Variants in GRM8 observed in about 807,000 individuals in gnomAD.
GRM8 encodes metabotropic glutamate receptor 8.
GRM8 carries 47 observed loss-of-function variants against 87.2 expected under a neutral mutation model. The observed-to-expected ratio is 0.54, with a 90% CI of 0.43 to 0.69. The LOEUF (loss-of-function observed/expected upper bound fraction) is 0.69, where lower values mean the gene tolerates loss of function less well. Among genes scored for constraint, GRM8 ranks in the 30% least tolerant of loss-of-function variants. The pLI, the probability that GRM8 is intolerant of heterozygous loss-of-function variation, is 0.00. For missense variants in GRM8, 1,019 were observed against 1,139.2 expected, an observed-to-expected ratio of 0.89 and a Z score of 1.52; for synonymous variants, 396 against 404.5, an observed-to-expected ratio of 0.98 and a Z score of 0.25.
intron 3 of GRM8, among the ~76,000 whole-genome samples, chr7:127,072,634 C>CTTT (rs34143758): frequency 0.31 from 44,275 of 143,918 alleles, 7,292 homozygotes; most frequent in Non-Finnish European, 0.4. Flanking sequence ...TCATATTATA[C>CTTT]TTTTTTTTTT....
chr7:126,929,209 T>C (rs943236373), intron 3 of GRM8, among the ~76,000 whole-genome samples: 1 of 152,224 alleles, frequency 6.6e-6, no homozygotes, highest in Non-Finnish European at 1.5e-5. Flanking sequence ...AAAAATAAGA[T>C]AGTCCAATGC....
intron 2 of GRM8, among the ~76,000 whole-genome samples, chr7:127,113,481 T>C (rs367926359): frequency 2.0e-5 from 3 of 147,698 alleles, no homozygotes; most frequent in South Asian, 2.2e-4. Context: ...TTTGTTTTTT[T>C]CCCCCCTGCC....
intron 2 of GRM8, among the ~76,000 whole-genome samples, chr7:127,133,250 T>G (rs950320162): frequency 7.2e-5 from 11 of 151,980 alleles, no homozygotes; most frequent in Non-Finnish European, 1.3e-4. Flanking sequence ...AAACCCCATC[T>G]CTACTAAAAA....
At chr7:126,857,695 A>T (rs1470525600) in intron 6 of GRM8, among the ~76,000 whole-genome samples, 1 of 152,144 alleles carries the variant, frequency 6.6e-6, no homozygotes, top group Non-Finnish European at 1.5e-5. Context: ...GTTGATTCTC[A>T]ATCTTCATCT....
intron 8 of GRM8, among the ~76,000 whole-genome samples, chr7:126,583,933 G>A (rs572799733): frequency 6.6e-6 from 1 of 152,286 alleles, no homozygotes; most frequent in East Asian, 1.9e-4. Context: ...TTACCAAACA[G>A]TATCATATGC....
At position 127,229,774 on chromosome 7, in the gene GRM8, G is replaced by A. The variant is rs932317989; in HGVS notation, c.510+12921C>T. On this transcript the variant is annotated intron_variant, in intron 2 of 10. Transcript: ENST00000339582. ...AAATTTTTACCTTGCTGAGATCTAC[G>A]ACCACCTTTTGAAACTGAGACAGTG... 22 of 152,026 alleles carry A rather than the reference G, an allele frequency of 1.4e-4. No homozygotes were observed. The East Asian group carries it at 3.7e-3, about 25-fold the overall frequency. The allele number at this position is 152,026 out of a possible 1,614,324, so 9.4% of individuals were successfully genotyped here.
intron 7 of GRM8, among the ~76,000 whole-genome samples, chr7:126,756,207 CA>C (rs1302951967): frequency 1.3e-5 from 2 of 151,052 alleles, no homozygotes. Flanking sequence ...CAACCCCATG[CA>C]AAAAAAATAT....
At chr7:126,810,248 G>A (rs960845659) in intron 6 of GRM8, among the ~76,000 whole-genome samples, 1 of 152,050 alleles carries the variant, frequency 6.6e-6, no homozygotes, top group Non-Finnish European at 1.5e-5. Flanking sequence ...TCCTCTAAGA[G>A]GAAAAACATG....
chr7:126,909,484 G>A (rs1803065310), intron 3 of GRM8, among the ~76,000 whole-genome samples: 3 of 152,046 alleles, frequency 2.0e-5, no homozygotes, highest in Admixed American at 2.0e-4. Context: ...TACTAATTGT[G>A]TACAATTTAA....
chr7:127,019,553 T>G (rs1346793622), intron 3 of GRM8, among the ~76,000 whole-genome samples: 1 of 152,126 alleles, frequency 6.6e-6, no homozygotes, highest in African/African-American at 2.4e-5. Flanking sequence ...CTTTTCCTAA[T>G]TATACACACT....
intron 2 of GRM8, among the ~76,000 whole-genome samples, chr7:127,180,734 A>C (rs528134557): frequency 6.6e-6 from 1 of 152,200 alleles, no homozygotes; most frequent in South Asian, 2.1e-4. Flanking sequence ...CAGAATTAAA[A>C]ACAAAAATCA....
chr7:127,211,230 G>A (rs970690141), intron 2 of GRM8, among the ~76,000 whole-genome samples: 9 of 152,176 alleles, frequency 5.9e-5, no homozygotes, highest in Non-Finnish European at 8.8e-5. Context: ...AGCTGACAGT[G>A]CAGCCTTCAG....
intron 8 of GRM8, among the ~76,000 whole-genome samples, chr7:126,557,973 TTTA>T (rs78179111): frequency 0.31 from 46,524 of 151,942 alleles, 7,985 homozygotes; most frequent in East Asian, 0.43. Context: ...GAGAATAATT[TTTA>T]GAATTAAAAT....
At chr7:126,884,476 C>T (rs373269666) in intron 6 of GRM8, among the ~76,000 whole-genome samples, 2 of 151,918 alleles carry the variant, frequency 1.3e-5, no homozygotes, top group East Asian at 3.9e-4. Flanking sequence ...TCATCCTTAT[C>T]CTTGCTTTAA....
chr7:126,726,107 A>G (rs1273254573), intron 7 of GRM8, among the ~76,000 whole-genome samples: 1 of 152,180 alleles, frequency 6.6e-6, no homozygotes, highest in Admixed American at 6.6e-5. Flanking sequence ...ATTTTCTCAC[A>G]GCATTTTTTG....
chr7:127,232,218 A>T (rs879375078), intron 2 of GRM8, among the ~76,000 whole-genome samples: 3,741 of 127,764 alleles, frequency 0.029, 91 homozygotes, highest in African/African-American at 0.072. Context: ...TGTGTGAGAG[A>T]GAGAGAGAGA....
intron 2 of GRM8, among the ~76,000 whole-genome samples, chr7:127,128,301 C>A (rs992602242): frequency 6.6e-6 from 1 of 152,032 alleles, no homozygotes; most frequent in African/African-American, 2.4e-5. Flanking sequence ...AGGATGACAC[C>A]AAGCACTTTC....
intron 3 of GRM8, among the ~76,000 whole-genome samples, chr7:127,082,542 T>C (rs1822980257): frequency 1.3e-5 from 2 of 152,184 alleles, no homozygotes; most frequent in South Asian, 2.1e-4. Flanking sequence ...ATTTACCTAT[T>C]AGTTCAATGT....
chr7:126,746,525 A>T (rs1815704904), intron 7 of GRM8, among the ~76,000 whole-genome samples: 1 of 151,706 alleles, frequency 6.6e-6, no homozygotes, highest in South Asian at 2.1e-4. Context: ...TTTAAATTTA[A>T]TTTTTAGATA....
Sources: gnomAD v4.1 joint callset for allele counts (sites outside exome capture counted in the v4.1 genomes callset) on GRCh38, gnomAD v4.1.1 for gene constraint, MANE v1.5 for transcripts, NCBI Gene and HGNC (gene_info 2026-07-23, HGNC 2026-07-21) for gene names.